FAM24B: variants seen among roughly 807,000 people sequenced by gnomAD.
The protein encoded by FAM24B is protein FAM24B.
A neutral mutation model predicts 2.3 loss-of-function variants in FAM24B; 3 were observed. The observed-to-expected ratio is 1.29, with a 90% CI of 0.59 to 3.32. The LOEUF (loss-of-function observed/expected upper bound fraction) is 3.32. FAM24B is among the 30% of genes most tolerant of loss of function. FAM24B has a pLI of 0.03. For missense variants in FAM24B, 98 were observed against 117.2 expected (o/e 0.84, Z 0.76); for synonymous variants, 36 against 46.3 (o/e 0.78, Z 0.90).
chr10:122,850,234 A>T (rs149327222), intron 3 of FAM24B, among the ~76,000 whole-genome samples, 190 bp downstream of exon 3: 2 of 152,058 alleles, frequency 1.3e-5, no homozygotes, highest in African/African-American at 2.4e-5. Context: ...AAAAAATAAG[A>T]TTCTACACTC....
In FAM24B at chr10:122,849,378, CCCA is replaced by C. The variant is rs746704805; in HGVS notation, c.151_153del (p.Trp51del). 1 of 1,613,384 alleles carries C rather than the reference CCCA, an allele frequency of 6.2e-7. No homozygotes were observed. The highest frequency in any genetic ancestry group is 8.5e-7 in the Non-Finnish European group (1 of 1,179,678). On this transcript the variant is annotated inframe_deletion, in exon 4 of 4. Transcript: ENST00000368898. ...ATGGTTTTGGCCTGGCTGTTCTTGG[CCCA>C]CCACACCTTGTCTGGGTTGTGATTT...
intron 1 of FAM24B, among the ~76,000 whole-genome samples, chr10:122,877,193 A>C (rs1847988306): frequency 6.6e-6 from 1 of 152,246 alleles, no homozygotes; most frequent in South Asian, 2.1e-4. Flanking sequence ...GCACCAGCAC[A>C]ACACCCTGGC....
At chr10:122,866,475 A>AT (rs936672970) in intron 1 of FAM24B, among the ~76,000 whole-genome samples, 4 of 151,774 alleles carry the variant, frequency 2.6e-5, no homozygotes, top group African/African-American at 9.7e-5. Flanking sequence ...TAGATACCGC[A>AT]TTTTTTGCAA....
At chr10:122,879,003 C>T (rs1203398656) in intron 1 of FAM24B, among the ~76,000 whole-genome samples, 2 of 152,134 alleles carry the variant, frequency 1.3e-5, no homozygotes, top group African/African-American at 4.8e-5. Flanking sequence ...AACAGGAAGT[C>T]TGGTGTACAC....
At chr10:122,849,825 T>G (rs570168502) in intron 3 of FAM24B, among the ~76,000 whole-genome samples, 1 of 152,046 alleles carries the variant, frequency 6.6e-6, no homozygotes, top group Non-Finnish European at 1.5e-5. Flanking sequence ...CTCTGGTACT[T>G]AAAGGGTCTT....
intron 2 of FAM24B, among the ~76,000 whole-genome samples, chr10:122,851,348 G>C (rs1847531483): frequency 6.6e-6 from 1 of 152,210 alleles, no homozygotes; most frequent in Admixed American, 6.5e-5. Context: ...ATTTGAGAAA[G>C]AAAATTCTAA....
At chr10:122,873,697 T>G (rs1196015956) in intron 1 of FAM24B, among the ~76,000 whole-genome samples, 2 of 152,226 alleles carry the variant, frequency 1.3e-5, no homozygotes, top group Non-Finnish European at 2.9e-5. Flanking sequence ...CTTTCTCTAG[T>G]TTCTTAAGGT....
intron 1 of FAM24B, among the ~76,000 whole-genome samples, chr10:122,876,508 C>A (rs1369528897): frequency 6.6e-6 from 1 of 152,196 alleles, no homozygotes; most frequent in Non-Finnish European, 1.5e-5. Flanking sequence ...AAGTAAAACT[C>A]CCAAAAGTGT....
At chr10:122,856,196 T>C (rs1175327034) in intron 1 of FAM24B, among the ~76,000 whole-genome samples, 1 of 152,102 alleles carries the variant, frequency 6.6e-6, no homozygotes. Flanking sequence ...ACTCACATCT[T>C]TGCCATGGCA....
intron 1 of FAM24B, among the ~76,000 whole-genome samples, chr10:122,869,292 G>C (rs373598250): frequency 9.2e-5 from 14 of 152,132 alleles, no homozygotes; most frequent in Non-Finnish European, 1.9e-4. Flanking sequence ...AGCAAGTCCT[G>C]AGTGACCTAC....
At chr10:122,856,306 G>A in intron 1 of FAM24B, among the ~76,000 whole-genome samples, 1 of 152,180 alleles carries the variant, frequency 6.6e-6, no homozygotes, top group South Asian at 2.1e-4. Flanking sequence ...CCCAACTTGT[G>A]GTGGCTTACT....
chr10:122,858,984 C>A (rs1847685428), intron 1 of FAM24B, among the ~76,000 whole-genome samples: 1 of 152,164 alleles, frequency 6.6e-6, no homozygotes, highest in African/African-American at 2.4e-5. Flanking sequence ...TTCAGGTTTC[C>A]ATCAGCGGTT....
At chr10:122,850,690 A>C in intron 2 of FAM24B, 140 bp from the exon 3 acceptor site, 1 of 550,414 alleles carries the variant, frequency 1.8e-6, no homozygotes, top group South Asian at 2.7e-5. Context: ...ATGTCTTCCC[A>C]GGGCGGCCTA....
chr10:122,865,062 C>A (rs932209672), intron 1 of FAM24B, among the ~76,000 whole-genome samples: 1 of 152,208 alleles, frequency 6.6e-6, no homozygotes, highest in African/African-American at 2.4e-5. Context: ...AGATTTTCAG[C>A]TCAGCTGGAT....
chr10:122,850,571 A>C, intron 2 of FAM24B, 21 bp from the exon 3 acceptor site: 1 of 1,301,718 alleles, frequency 7.7e-7, no homozygotes, highest in Non-Finnish European at 1.1e-6. Context: ...AAGTGCAAGC[A>C]AGCACTGAGC....
intron 1 of FAM24B, among the ~76,000 whole-genome samples, chr10:122,859,937 A>G (rs112193814): frequency 3.3e-5 from 5 of 152,140 alleles, no homozygotes; most frequent in Admixed American, 6.5e-5. Context: ...ACTGTCTTGA[A>G]TTCCTGGAGA....
chr10:122,858,541 T>G (rs1010522005), intron 1 of FAM24B, among the ~76,000 whole-genome samples: 16 of 151,758 alleles, frequency 1.1e-4, no homozygotes, highest in Non-Finnish European at 1.9e-4. Context: ...ACCCTAGAAC[T>G]TAAAGTGTAA....
At chr10:122,861,242 C>T (rs1303373229) in intron 1 of FAM24B, among the ~76,000 whole-genome samples, 2 of 152,156 alleles carry the variant, frequency 1.3e-5, no homozygotes, top group African/African-American at 4.8e-5. Context: ...GGTGCACGAA[C>T]ATCCAACTGG....
intron 1 of FAM24B, among the ~76,000 whole-genome samples, chr10:122,866,330 C>G (rs568661693): frequency 6.6e-6 from 1 of 152,030 alleles, no homozygotes; most frequent in Non-Finnish European, 1.5e-5. Flanking sequence ...TTTCAAAGAA[C>G]CAGCTTTTGA....
Sources: gnomAD v4.1 joint callset for allele counts (sites outside exome capture counted in the v4.1 genomes callset) on GRCh38, gnomAD v4.1.1 for gene constraint, MANE v1.5 for transcripts, NCBI Gene and HGNC (gene_info 2026-07-23, HGNC 2026-07-21) for gene names.